The following GABRB1 variants were observed in gnomAD, a reference collection of about 807,000 sequenced individuals.
GABRB1 encodes the protein gamma-aminobutyric acid receptor subunit beta-1.
GABRB1 carries 17 observed loss-of-function variants against 51.6 expected under a neutral mutation model. That is an observed-to-expected ratio of 0.33 (90% CI 0.23 to 0.49). The LOEUF is 0.49. Ranked by LOEUF, GABRB1 falls within the 20% of genes least tolerant of loss-of-function variation. The pLI, the probability that GABRB1 is intolerant of heterozygous loss-of-function variation, is 0.99. For missense variants in GABRB1, 410 were observed against 600.6 expected (o/e 0.68, Z 3.32); for synonymous variants, 247 against 218.9 (o/e 1.13, Z -1.14).
At chr4:47,308,771 C>G (rs539200996) in intron 4 of GABRB1, among the ~76,000 whole-genome samples, 3 of 152,194 alleles carry the variant, frequency 2.0e-5, no homozygotes, top group Non-Finnish European at 2.9e-5. Flanking sequence ...GATTCCAAGT[C>G]AGAGCATTCC....
intron 3 of GABRB1, among the ~76,000 whole-genome samples, chr4:47,043,760 G>T (rs1725960515): frequency 6.6e-6 from 1 of 151,976 alleles, no homozygotes; most frequent in African/African-American, 2.4e-5. Context: ...TGCAGAAGGG[G>T]GTTTCAGAAT....
intron 3 of GABRB1, among the ~76,000 whole-genome samples, chr4:47,091,780 TC>T: frequency 6.6e-6 from 1 of 152,304 alleles, no homozygotes; most frequent in Middle Eastern, 3.4e-3. Context: ...TTCAACTTCT[TC>T]CCTGGCTCCT....
intron 4 of GABRB1, among the ~76,000 whole-genome samples, chr4:47,174,297 C>T (rs1389067485): frequency 6.6e-6 from 1 of 152,082 alleles, no homozygotes; most frequent in East Asian, 1.9e-4. Flanking sequence ...AAATGCCTGG[C>T]CTCAAGCAAC....
chr4:47,236,169 A>T (rs1721327156), intron 4 of GABRB1, among the ~76,000 whole-genome samples: 1 of 152,088 alleles, frequency 6.6e-6, no homozygotes, highest in African/African-American at 2.4e-5. Context: ...ATTCAATTAA[A>T]TTTTATATTA....
At chr4:47,389,845 G>A (rs901212137) in intron 5 of GABRB1, among the ~76,000 whole-genome samples, 18 of 152,328 alleles carry the variant, frequency 1.2e-4, no homozygotes, top group Admixed American at 1.0e-3. Context: ...TTCCTAATAT[G>A]TCTCCTCTCA....
intron 4 of GABRB1, among the ~76,000 whole-genome samples, chr4:47,261,343 G>A (rs927507732): frequency 2.7e-4 from 41 of 152,156 alleles, no homozygotes; most frequent in Admixed American, 9.2e-4. Context: ...AGCAACTCCA[G>A]CAAAGTCTCA....
intron 1 of GABRB1, among the ~76,000 whole-genome samples, chr4:47,017,837 C>G (rs960968631): frequency 6.6e-6 from 1 of 152,110 alleles, no homozygotes; most frequent in Non-Finnish European, 1.5e-5. Flanking sequence ...AGGAGAAGTT[C>G]AGAATATGGT....
chr4:47,367,393 T>G (rs1298169224), intron 5 of GABRB1, among the ~76,000 whole-genome samples: 1 of 152,168 alleles, frequency 6.6e-6, no homozygotes, highest in African/African-American at 2.4e-5. Flanking sequence ...AATAAGTAAT[T>G]TATGGCTAAA....
At chr4:47,268,611 C>A (rs577801004) in intron 4 of GABRB1, among the ~76,000 whole-genome samples, 1 of 152,110 alleles carries the variant, frequency 6.6e-6, no homozygotes, top group South Asian at 2.1e-4. Flanking sequence ...GTCATTAATG[C>A]ATCCATTCAT....
chr4:47,108,608 C>T (rs1715083497), intron 3 of GABRB1, among the ~76,000 whole-genome samples: 2 of 151,996 alleles, frequency 1.3e-5, no homozygotes, highest in South Asian at 4.1e-4. Flanking sequence ...TAATGTATTG[C>T]TCTTCAGCCA....
intron 3 of GABRB1, among the ~76,000 whole-genome samples, chr4:47,038,023 C>T (rs1265580081): frequency 6.6e-6 from 1 of 152,096 alleles, no homozygotes; most frequent in Non-Finnish European, 1.5e-5. Context: ...TAAAATGAAG[C>T]TAAATTACAT....
At chr4:47,126,683 G>T (rs894241388) in intron 3 of GABRB1, among the ~76,000 whole-genome samples, 1 of 126,178 alleles carries the variant, frequency 7.9e-6, no homozygotes, top group Non-Finnish European at 1.7e-5. Context: ...AGAGAAGTCT[G>T]TAGAGGAGAT....
At chr4:47,180,611 A>G (rs979730213) in intron 4 of GABRB1, among the ~76,000 whole-genome samples, 2 of 152,018 alleles carry the variant, frequency 1.3e-5, no homozygotes, top group Non-Finnish European at 2.9e-5. Context: ...ATTTCTTTAC[A>G]TTTTAAAATA....
intron 4 of GABRB1, among the ~76,000 whole-genome samples, chr4:47,231,383 G>A (rs568221173): frequency 6.6e-6 from 1 of 152,204 alleles, no homozygotes; most frequent in African/African-American, 2.4e-5. Context: ...TGTAAAATGA[G>A]GAGGGTGAAA....
At chr4:47,382,033 T>A (rs1381794852) in intron 5 of GABRB1, among the ~76,000 whole-genome samples, 1 of 152,180 alleles carries the variant, frequency 6.6e-6, no homozygotes, top group Non-Finnish European at 1.5e-5. Context: ...AGTGAAGAAA[T>A]TCTATTGTGA....
intron 5 of GABRB1, among the ~76,000 whole-genome samples, chr4:47,333,906 CG>C (rs1360976397): frequency 6.6e-6 from 1 of 152,176 alleles, no homozygotes; most frequent in Non-Finnish European, 1.5e-5. Flanking sequence ...ACTCCTAGTA[CG>C]TTATTGCATT....
At chr4:47,170,399 ACACG>A (rs1190262036) in intron 4 of GABRB1, among the ~76,000 whole-genome samples, 9 of 150,554 alleles carry the variant, frequency 6.0e-5, no homozygotes, top group African/African-American at 1.7e-4. Flanking sequence ...ACACACACAC[ACACG>A]CACACACACA....
intron 3 of GABRB1, among the ~76,000 whole-genome samples, chr4:47,038,795 G>A (rs1333093299): frequency 6.6e-6 from 1 of 152,150 alleles, no homozygotes; most frequent in African/African-American, 2.4e-5. Flanking sequence ...AGAAATGAAT[G>A]GTTTAAATGT....
At chr4:47,274,525 TGTTC>T (rs1284820113) in intron 4 of GABRB1, among the ~76,000 whole-genome samples, 17 of 152,190 alleles carry the variant, frequency 1.1e-4, no homozygotes, top group Admixed American at 6.6e-5. Context: ...CATAGAAGAC[TGTTC>T]CAGATATTCC....
Sources: gnomAD v4.1 joint callset for allele counts (sites outside exome capture counted in the v4.1 genomes callset) on GRCh38, gnomAD v4.1.1 for gene constraint, MANE v1.5 for transcripts, NCBI Gene and HGNC (gene_info 2026-07-23, HGNC 2026-07-21) for gene names.